Variants in TP63 observed in about 807,000 individuals in gnomAD.
TP63 encodes the protein tumor protein 63.
TP63 carries 17 observed loss-of-function variants against 82.8 expected under a neutral mutation model. The ratio of observed to expected loss-of-function variants is 0.21; its 90% confidence interval spans 0.14 to 0.31. The LOEUF (loss-of-function observed/expected upper bound fraction) is 0.31. Among genes scored for constraint, TP63 ranks in the 10% least tolerant of loss-of-function variants. The pLI is 1.00. For missense variants in TP63, 648 were observed against 895.3 expected, an observed-to-expected ratio of 0.72 and a Z score of 3.52; for synonymous variants, 330 against 321.7, an observed-to-expected ratio of 1.03 and a Z score of -0.28.
At chr3:189,670,360 G>C (rs1464184329) in intron 1 of TP63, among the ~76,000 whole-genome samples, 1 of 152,010 alleles carries the variant, frequency 6.6e-6, no homozygotes, top group Non-Finnish European at 1.5e-5. Context: ...GACAACTGCA[G>C]AATGTACATT....
chr3:189,678,903 G>A (rs957278206), intron 1 of TP63, among the ~76,000 whole-genome samples: 21 of 151,802 alleles, frequency 1.4e-4, no homozygotes, highest in African/African-American at 5.1e-4. Flanking sequence ...TTCTTAGTTT[G>A]GTTGTTATTG....
chr3:189,872,806 A>G, intron 9 of TP63, 53 bp from the exon 10 acceptor site: 1 of 1,613,016 alleles, frequency 6.2e-7, no homozygotes. Context: ...CCACACTTCT[A>G]ACAGTTCTAC....
intron 3 of TP63, among the ~76,000 whole-genome samples, chr3:189,777,660 C>A (rs1234107217): frequency 6.6e-6 from 1 of 151,728 alleles, no homozygotes; most frequent in Non-Finnish European, 1.5e-5. Flanking sequence ...ACTCCTTTCT[C>A]TCTGTTCCCA....
rs555472832 is a variant in TP63, at chr3:189,694,849, A to G, written c.63-42891A>G. On this transcript the variant is annotated intron_variant, in intron 1 of 13. Transcript: ENST00000264731. ...GAGACAGAGTCTCGCTCTGTCTCCT[A>G]GCCTGGAGTGCAGTGGCGTGATCTT... Among the ~76,000 whole-genome samples the G allele has an allele frequency of 3.0e-5, 3 of 99,152 alleles. No individual in the cohort carries two copies. In the South Asian group the frequency reaches 1.1e-3, roughly 36 times the overall value. 65.0% of individuals were successfully genotyped at this position (99,152 alleles called of 152,430 possible).
chr3:189,878,591 TTC>T (rs1207246471), intron 10 of TP63, among the ~76,000 whole-genome samples: 2 of 82,698 alleles, frequency 2.4e-5, no homozygotes, highest in African/African-American at 9.8e-5. Context: ...AATTTTTTTT[TTC>T]TTTTTTTTTT....
At chr3:189,730,816 T>G (rs1720109656) in intron 1 of TP63, among the ~76,000 whole-genome samples, 2 of 152,222 alleles carry the variant, frequency 1.3e-5, no homozygotes, top group African/African-American at 4.8e-5. Flanking sequence ...CCAGGAGATC[T>G]AGTAGCATCA....
chr3:189,635,237 T>G (rs1187423657), intron 1 of TP63, among the ~76,000 whole-genome samples: 2 of 152,140 alleles, frequency 1.3e-5, no homozygotes, highest in African/African-American at 2.4e-5. Context: ...ATTACATATT[T>G]GTTATGATTT....
chr3:189,878,732 G>C (rs1446162461), intron 10 of TP63, among the ~76,000 whole-genome samples: 2 of 148,386 alleles, frequency 1.3e-5, no homozygotes, highest in African/African-American at 5.0e-5. Context: ...CCAGCCTACA[G>C]TTTACTTTTG....
chr3:189,852,323 C>T (rs73199765), intron 4 of TP63, among the ~76,000 whole-genome samples: 17,963 of 152,150 alleles, frequency 0.12, 1,184 homozygotes, highest in Middle Eastern at 0.18. Context: ...TCTCTATTGT[C>T]GACAATTCCA....
intron 3 of TP63, among the ~76,000 whole-genome samples, chr3:189,790,874 G>C (rs1725063352): frequency 6.6e-6 from 1 of 152,138 alleles, no homozygotes; most frequent in Non-Finnish European, 1.5e-5. Flanking sequence ...GAAGAGTAGA[G>C]CAGAGGGCTG....
chr3:189,648,610 T>C (rs1712620660), intron 1 of TP63, among the ~76,000 whole-genome samples: 1 of 147,622 alleles, frequency 6.8e-6, no homozygotes, highest in African/African-American at 2.5e-5. Context: ...AACTTTTCTC[T>C]CTCATTAGGA....
intron 4 of TP63, among the ~76,000 whole-genome samples, chr3:189,862,879 G>A (rs1577131576): frequency 6.6e-6 from 1 of 152,164 alleles, no homozygotes; most frequent in Non-Finnish European, 1.5e-5. Context: ...CTAATCCATG[G>A]CCTGCGGACA....
chr3:189,647,959 G>C (rs4234611), intron 1 of TP63, among the ~76,000 whole-genome samples: 1 of 146,200 alleles, frequency 6.8e-6, no homozygotes, highest in African/African-American at 2.6e-5. Flanking sequence ...ACTGTATTTC[G>C]TAACTAAGAT....
intron 4 of TP63, 41 bp from the exon 5 acceptor site, chr3:189,864,191 G>T: frequency 1.9e-6 from 3 of 1,612,504 alleles, no homozygotes; most frequent in Non-Finnish European, 2.5e-6. Context: ...TCTCCTGTTG[G>T]TTCTCTCCTT....
chr3:189,862,602 A>G (rs997846383), intron 4 of TP63, among the ~76,000 whole-genome samples: 64 of 152,216 alleles, frequency 4.2e-4, no homozygotes, highest in African/African-American at 1.5e-3. Flanking sequence ...CCTAAGGGTC[A>G]TCTTACGAAA....
At chr3:189,866,203 TGAG>T (rs1285644626) in intron 5 of TP63, among the ~76,000 whole-genome samples, 1 of 152,200 alleles carries the variant, frequency 6.6e-6, no homozygotes, top group Non-Finnish European at 1.5e-5. Context: ...GTTTAAAAGT[TGAG>T]GAGGAGGAAA....
At chr3:189,743,428 T>C (rs1221682069) in intron 3 of TP63, among the ~76,000 whole-genome samples, 1 of 152,118 alleles carries the variant, frequency 6.6e-6, no homozygotes, top group African/African-American at 2.4e-5. Context: ...AAAGACACTT[T>C]CCCTTTGGCC....
chr3:189,814,100 TC>T lies in TP63; in HGVS notation c.579+5576del, dbSNP rs201632226. On this transcript the variant is annotated intron_variant, in intron 4 of 13. Transcript: ENST00000264731. ...GTCTCGCAAGCTCACTCCCTTTGGC[TC>T]CGCAGGCAGGCTGAGATGCGCGCCT... is the stretch of plus-strand genomic sequence containing the variant. Among the ~76,000 whole-genome samples, 9 of 152,296 alleles carry T rather than the reference TC, an allele frequency of 5.9e-5. No individual in the cohort carries two copies. The East Asian group carries it at 1.7e-3, about 29-fold the overall frequency.
At chr3:189,725,865 C>A (rs985191253) in intron 1 of TP63, among the ~76,000 whole-genome samples, 2 of 152,146 alleles carry the variant, frequency 1.3e-5, no homozygotes, top group African/African-American at 4.8e-5. Flanking sequence ...ATCAACCTGA[C>A]CAACATGGTG....
Sources: allele counts gnomAD v4.1 joint callset (sites outside exome capture counted in the v4.1 genomes callset), GRCh38; gene constraint gnomAD v4.1.1; transcripts MANE v1.5; gene names NCBI Gene and HGNC (gene_info 2026-07-23, HGNC 2026-07-21).